CEBPZOS: variants seen among roughly 807,000 people sequenced by gnomAD.
The protein encoded by CEBPZOS is CEBPZ opposite strand, also known as protein CEBPZOS.
Under a neutral mutation model 4.8 loss-of-function variants are expected in CEBPZOS, and 10 were observed. That is an observed-to-expected ratio of 2.07 (90% CI 1.28 to 3.52). The LOEUF (loss-of-function observed/expected upper bound fraction) is 3.52. CEBPZOS is among the 30% of genes most tolerant of loss of function. The pLI is 0.00. For missense variants in CEBPZOS, 98 were observed against 43.6 expected (o/e 2.25, Z -3.51); for synonymous variants, 25 against 14.2 (o/e 1.77, Z -1.72).
chr2:37,213,799 ATG>A, downstream of CEBPZOS: 1 of 1,060,504 alleles, frequency 9.4e-7, no homozygotes, highest in Non-Finnish European at 1.4e-6. Context: ...TCTCCCACTA[ATG>A]TTCCATGGTC....
chr2:37,212,773 C>T (rs554953458), intron 4 of CEBPZOS: 1 of 160,642 alleles, frequency 6.2e-6, no homozygotes, highest in Non-Finnish European at 1.3e-5. Context: ...AATTCCAGCA[C>T]TTTGGGAGGC....
In CEBPZOS at chr2:37,202,955, C is replaced by T. The variant is rs1197984914; in HGVS notation, c.*1095C>T. ...AAACAGTACATTAGCCTTACCTCTT[C>T]AGCAGATACAAATAGGCTGGAATCA... On this transcript the variant is annotated 3_prime_UTR_variant, in exon 5 of 5. Coordinates refer to ENST00000402297, the MANE Select transcript of CEBPZOS (RefSeq NM_001322374.2). 18 of 1,578,924 alleles carry T rather than the reference C, an allele frequency of 1.1e-5. No individual in the cohort carries two copies. Among genetic ancestry groups the T allele is most frequent in the Non-Finnish European group, 1.5e-5 (18 of 1,165,226 alleles).
At chr2:37,204,751 C>T (rs1253029547), downstream of CEBPZOS, 1 of 152,184 alleles carries the variant, frequency 6.6e-6, no homozygotes, top group East Asian at 1.9e-4. Flanking sequence ...TTCCTTGCCT[C>T]TTTTTGTTTC....
At chr2:37,208,663 A>G (rs1343881376), downstream of CEBPZOS, among the ~76,000 whole-genome samples, 1 of 152,192 alleles carries the variant, frequency 6.6e-6, no homozygotes, top group Non-Finnish European at 1.5e-5. Context: ...AAAGCCATCT[A>G]TGATAAACCC....
intron 4 of CEBPZOS, chr2:37,211,849 C>G: frequency 6.3e-7 from 1 of 1,591,862 alleles, no homozygotes. Context: ...TTACCTGGAA[C>G]GCTCTCACTT....
downstream of CEBPZOS, chr2:37,209,579 G>A (rs1460611869): frequency 6.6e-6 from 1 of 152,118 alleles, no homozygotes; most frequent in Non-Finnish European, 1.5e-5. Flanking sequence ...TGGGATAACT[G>A]GCAAGCCACA....
chr2:37,212,216 T>C (rs916137621), intron 4 of CEBPZOS: 1 of 1,048,808 alleles, frequency 9.5e-7, no homozygotes, highest in African/African-American at 1.6e-5. Context: ...TGTATCCACT[T>C]CCCAAACTTA....
chr2:37,198,047 C>CT (rs1558458753), intron 1 of CEBPZOS, among the ~76,000 whole-genome samples: 1 of 151,954 alleles, frequency 6.6e-6, no homozygotes, highest in Non-Finnish European at 1.5e-5. Context: ...CAGCTCCCAG[C>CT]TACTGGGGAG....
At chr2:37,207,176 A>G (rs772533669), downstream of CEBPZOS, among the ~76,000 whole-genome samples, 1 of 152,240 alleles carries the variant, frequency 6.6e-6, no homozygotes, top group African/African-American at 2.4e-5. Flanking sequence ...GACCTAAGAA[A>G]TTAGACAGAT....
chr2:37,212,597 A>T (rs1438879177), intron 4 of CEBPZOS: 1 of 543,438 alleles, frequency 1.8e-6, no homozygotes, highest in African/African-American at 1.9e-5. Flanking sequence ...CCCAAAACTA[A>T]AGAAGGATCC....
rs1213406597 is a variant in CEBPZOS at position 37,212,001 on chromosome 2, G to A, written c.*3-1436G>A. Reference sequence around the variant, plus strand: ...ACTACCTTCTGAATCTTCATCTAATGTGTTATCCTTAGCTCCTTTTGTTCT... The same window carrying A: ...ACTACCTTCTGAATCTTCATCTAATATGTTATCCTTAGCTCCTTTTGTTCT... On this transcript the variant is annotated intron_variant, in intron 4 of 4. Coordinates refer to the CEBPZOS transcript ENST00000397064. The A allele has an allele frequency of 5.0e-6, 8 of 1,605,950 alleles. No homozygotes were observed. In the African/African-American group the frequency reaches 5.4e-5, roughly 11 times the overall value.
rs1429549449 is a variant in CEBPZOS at position 37,204,044 on chromosome 2, CATT to C, written c.*2185_*2187del. On this transcript the variant is annotated 3_prime_UTR_variant, in exon 5 of 5. Coordinates refer to ENST00000402297, the MANE Select transcript of CEBPZOS (RefSeq NM_001322374.2). ...ACTTTTGATAAAATAGTTTCTAAAA[CATT>C]TCATCTTGATTTTTATTAAGGTGAT... 5 of 152,114 alleles carry C rather than the reference CATT, an allele frequency of 3.3e-5. No homozygotes were observed. The highest frequency in any genetic ancestry group is 7.4e-5 in the Non-Finnish European group (5 of 68,014). 9.4% of individuals were successfully genotyped at this position (152,114 alleles called of 1,614,324 possible).
At chr2:37,208,480 C>G (rs1264619307), downstream of CEBPZOS, among the ~76,000 whole-genome samples, 1 of 152,078 alleles carries the variant, frequency 6.6e-6, no homozygotes, top group African/African-American at 2.4e-5. Context: ...GGATATAGGG[C>G]TGGTTTAACA....
chr2:37,206,513 A>C (rs1677545029), downstream of CEBPZOS, among the ~76,000 whole-genome samples: 1 of 152,146 alleles, frequency 6.6e-6, no homozygotes, highest in African/African-American at 2.4e-5. Context: ...GCTTACCAAC[A>C]TGCCCAGCTA....
chr2:37,203,271 T>C lies in CEBPZOS; in HGVS notation c.*1411T>C, dbSNP rs1347902958. 1 of 260,708 alleles carries C rather than the reference T, an allele frequency of 3.8e-6. No individual in the cohort carries two copies. The allele number at this position is 260,708 out of a possible 1,614,324, so 16.1% of individuals were successfully genotyped here. Reference sequence around the variant, plus strand: ...TCAGATTTGGCCACTGATCGAAGTTTTACCCATAAGGGAAATAACATAGTA... The same window carrying C: ...TCAGATTTGGCCACTGATCGAAGTTCTACCCATAAGGGAAATAACATAGTA... On this transcript the variant is annotated 3_prime_UTR_variant, in exon 5 of 5. Transcript: ENST00000402297.
Position 37,199,726 on chromosome 2 carries a change from C to G in CEBPZOS, c.22C>G (p.Leu8Val). MARTLEP[L>V]AKKIFKGVLV... ...TAGGATGGCCCGTACTTTGGAACCA[C>G]TAGCAAAGAAGATCTTTAAAGGAGT... The change falls in exon 2 of 5, where the codon CTA becomes GTA. Residue 8 changes from leucine (L) to valine (V), a missense_variant. Leu to Val is a conservative substitution (Grantham distance 32). Transcript: ENST00000402297. 1.4e-6 allele frequency: 1 copy of G among 717,474 alleles called. No homozygotes were observed. Among genetic ancestry groups the G allele is most frequent in the Non-Finnish European group, 2.6e-6 (1 of 385,076 alleles). 44.4% of individuals were successfully genotyped at this position (717,474 alleles called of 1,614,324 possible).
intron 4 of CEBPZOS, among the ~76,000 whole-genome samples, chr2:37,212,843 A>T (rs573190452): frequency 3.6e-3 from 542 of 149,746 alleles, no homozygotes; most frequent in African/African-American, 0.013. Flanking sequence ...ATTAAAAAAA[A>T]AAAAAAAACA....
At chr2:37,196,666 GGA>G (rs1425671974) in intron 1 of CEBPZOS, 146 bp downstream of exon 1, 10 of 151,812 alleles carry the variant, frequency 6.6e-5, no homozygotes, top group African/African-American at 2.4e-4. Context: ...TTAATTCACT[GGA>G]GGCGAGTGTT....
chr2:37,203,169 G>C lies in CEBPZOS; in HGVS notation c.*1309G>C, dbSNP rs1330467229. On this transcript the variant is annotated 3_prime_UTR_variant, in exon 5 of 5. Coordinates refer to ENST00000402297, the MANE Select transcript of CEBPZOS (RefSeq NM_001322374.2). ...GCTGGCATTTAAATATAATTTAAGA[G>C]TTAGTATATAATATTTTCAAAAAGC... 1.6e-5 allele frequency: 8 copies of C among 491,740 alleles called. 1 individual carries two copies. Among genetic ancestry groups the C allele is most frequent in the East Asian group, 1.3e-4 (4 of 29,700 alleles). The allele number at this position is 491,740 out of a possible 1,614,324, so 30.5% of individuals were successfully genotyped here.
Sources: allele counts gnomAD v4.1 joint callset (sites outside exome capture counted in the v4.1 genomes callset), GRCh38; gene constraint gnomAD v4.1.1; transcripts MANE v1.5; gene names NCBI Gene and HGNC (gene_info 2026-07-23, HGNC 2026-07-21).